Variants in TAF4B observed in about 807,000 individuals in gnomAD.
The protein encoded by TAF4B is transcription initiation factor TFIID subunit 4B.
Under a neutral mutation model 86.4 loss-of-function variants are expected in TAF4B, and 38 were observed. The ratio of observed to expected loss-of-function variants is 0.44; its 90% CI spans 0.34 to 0.58. The LOEUF is 0.58. Among genes scored for constraint, TAF4B ranks in the 20% least tolerant of loss-of-function variants. The pLI, the probability that TAF4B is intolerant of heterozygous loss-of-function variation, is 0.02. For missense variants in TAF4B, 988 were observed against 1,027.6 expected, an observed-to-expected ratio of 0.96 and a Z score of 0.53; for synonymous variants, 388 against 391.2, an observed-to-expected ratio of 0.99 and a Z score of 0.10.
intron 5 of TAF4B, among the ~76,000 whole-genome samples, chr18:26,276,460 T>C (rs1309486015): frequency 6.6e-6 from 1 of 152,226 alleles, no homozygotes; most frequent in African/African-American, 2.4e-5. Flanking sequence ...TAATTAGAAT[T>C]ATATTTTTCA....
intron 11 of TAF4B, among the ~76,000 whole-genome samples, chr18:26,325,236 A>G (rs931004618): frequency 1.3e-5 from 2 of 152,164 alleles, no homozygotes; most frequent in Non-Finnish European, 2.9e-5. Flanking sequence ...AGCTTCATTC[A>G]GTGTTTTCCA....
chr18:26,319,656 C>A (rs569767779), intron 10 of TAF4B, among the ~76,000 whole-genome samples: 69 of 151,880 alleles, frequency 4.5e-4, no homozygotes, highest in Non-Finnish European at 9.0e-4. Context: ...ATGGTGCGAT[C>A]TCAGCGCACT....
intron 9 of TAF4B, among the ~76,000 whole-genome samples, chr18:26,311,644 G>A (rs1387336015): frequency 6.6e-6 from 1 of 152,050 alleles, no homozygotes; most frequent in African/African-American, 2.4e-5. Context: ...AACAAGCATA[G>A]GAAGTTGAAG....
chr18:26,273,524 A>G (rs1370655759), intron 3 of TAF4B, among the ~76,000 whole-genome samples: 3 of 152,134 alleles, frequency 2.0e-5, no homozygotes, highest in African/African-American at 7.2e-5. Context: ...CTCTCCTTCT[A>G]TCAATTCTCA....
At chr18:26,297,370 G>C (rs2056676807) in intron 9 of TAF4B, among the ~76,000 whole-genome samples, 1 of 152,132 alleles carries the variant, frequency 6.6e-6, no homozygotes, top group South Asian at 2.1e-4. Flanking sequence ...GAAGGTGGTA[G>C]GCAAAATAGT....
At position 26,293,422 on chromosome 18, in the gene TAF4B, A is replaced by C; in HGVS notation, c.1727-4A>C. 1 of 1,583,242 alleles carries C rather than the reference A, an allele frequency of 6.3e-7. No homozygotes were observed. The highest frequency in any genetic ancestry group is 1.2e-5 in the South Asian group (1 of 85,204). On this transcript the variant is annotated splice_polypyrimidine_tract_variant and splice_region_variant and intron_variant, in intron 8 of 14. Coordinates refer to ENST00000269142, the MANE Select transcript of TAF4B (RefSeq NM_005640.3). ...TTCTATTTTTTCTTGTTTTGTTTTT[A>C]TAGCTTCCATTCTAAAGCAAATTAC...
rs370370212 is a variant in TAF4B at position 26,350,634 on chromosome 18, G to A, written c.2317-7056G>A. Among the ~76,000 whole-genome samples the A allele has an allele frequency of 9.2e-5, 14 of 152,232 alleles. No individual in the cohort carries two copies. The South Asian group carries it at 2.9e-3, about 32-fold the overall frequency. ...GAGGCTGCTGTGAGCCATGATCATGGTACTACATACTATCATGGGTAATAG... is the reference window on the plus strand; with the variant it reads ...GAGGCTGCTGTGAGCCATGATCATGATACTACATACTATCATGGGTAATAG... On this transcript the variant is annotated intron_variant, in intron 13 of 14. Transcript: ENST00000269142.
chr18:26,239,683 A>G (rs2055805486), intron 1 of TAF4B, among the ~76,000 whole-genome samples: 1 of 152,086 alleles, frequency 6.6e-6, no homozygotes, highest in Non-Finnish European at 1.5e-5. Context: ...CCTGAATGGT[A>G]TTGCCTAGGT....
chr18:26,387,242 A>T (rs1471178334), intron 14 of TAF4B, among the ~76,000 whole-genome samples: 2 of 151,756 alleles, frequency 1.3e-5, no homozygotes, highest in African/African-American at 4.8e-5. Flanking sequence ...ATTTTTATTT[A>T]TTTTTTGTTA....
At chr18:26,261,269 C>T (rs865812986) in intron 1 of TAF4B, among the ~76,000 whole-genome samples, 6 of 141,476 alleles carry the variant, frequency 4.2e-5, no homozygotes, top group South Asian at 4.5e-4. Context: ...GCCGGGATCT[C>T]GGCTCACTGC....
chr18:26,294,593 AT>A, intron 9 of TAF4B, among the ~76,000 whole-genome samples: 1 of 148,798 alleles, frequency 6.7e-6, no homozygotes, highest in Admixed American at 6.7e-5. Flanking sequence ...TCCCTTTTGC[AT>A]TTTTATATGT....
rs760515237 is a variant in TAF4B, at chr18:26,293,802, A to AC, written c.1832+274dup. Among the ~76,000 whole-genome samples, 81 of 152,128 alleles carry AC rather than the reference A, an allele frequency of 5.3e-4. 1 individual carries two copies. The highest frequency in any genetic ancestry group is 7.9e-4 in the Non-Finnish European group (54 of 68,006). On this transcript the variant is annotated intron_variant, in intron 9 of 14. Transcript: ENST00000269142. ...CCTTTATGCACCTTTGAAATCAATT[A>AC]CCCTTATCCCCTGCCTCTGGCAGCT... is the stretch of plus-strand genomic sequence containing the variant.
chr18:26,272,637 C>G (rs1369873181), intron 3 of TAF4B, among the ~76,000 whole-genome samples: 1 of 152,132 alleles, frequency 6.6e-6, no homozygotes, highest in Non-Finnish European at 1.5e-5. Flanking sequence ...CAAGGAACCT[C>G]TCCCATCAGT....
At chr18:26,295,275 A>G (rs900627448) in intron 9 of TAF4B, 17 of 334,258 alleles carry the variant, frequency 5.1e-5, no homozygotes, top group African/African-American at 3.5e-4. Context: ...TGGTTGGATG[A>G]AGTTCATCTG....
At chr18:26,296,144 C>CT (rs938598994) in intron 9 of TAF4B, among the ~76,000 whole-genome samples, 1 of 151,848 alleles carries the variant, frequency 6.6e-6, no homozygotes, top group African/African-American at 2.4e-5. Flanking sequence ...TTCAATGCCT[C>CT]TTTTATTAGA....
In TAF4B at chr18:26,305,707, C is replaced by T. The variant is rs541755663; in HGVS notation, c.1833-9522C>T. On this transcript the variant is annotated intron_variant, in intron 9 of 14. Coordinates refer to ENST00000269142, the MANE Select transcript of TAF4B (RefSeq NM_005640.3). ...TTTGATATTACTATTTTGGTGTTTTCGATTGTTATAACATCTTTATTTATT... is the reference window on the plus strand; with the variant it reads ...TTTGATATTACTATTTTGGTGTTTTTGATTGTTATAACATCTTTATTTATT... 5.9e-5 allele frequency among the ~76,000 whole-genome samples: 9 copies of T among 152,164 alleles called. No homozygotes were observed. The South Asian group carries it at 1.2e-3, about 21-fold the overall frequency.
intron 9 of TAF4B, among the ~76,000 whole-genome samples, chr18:26,305,235 A>G (rs2056782090): frequency 6.6e-6 from 1 of 152,108 alleles, no homozygotes; most frequent in Non-Finnish European, 1.5e-5. Context: ...TCTTGATTTT[A>G]TTTTTGTAAA....
At chr18:26,340,345 T>A (rs1287214653) in intron 13 of TAF4B, among the ~76,000 whole-genome samples, 1 of 152,216 alleles carries the variant, frequency 6.6e-6, no homozygotes, top group African/African-American at 2.4e-5. Context: ...CAATTTGTAT[T>A]TAAACTTCAT....
At chr18:26,299,682 A>G (rs539794753) in intron 9 of TAF4B, among the ~76,000 whole-genome samples, 2 of 152,310 alleles carry the variant, frequency 1.3e-5, no homozygotes, top group Admixed American at 6.5e-5. Context: ...GTTTTTTGAC[A>G]AAGTCAATTT....
Sources: allele counts gnomAD v4.1 joint callset (sites outside exome capture counted in the v4.1 genomes callset), GRCh38; gene constraint gnomAD v4.1.1; transcripts MANE v1.5; gene names NCBI Gene and HGNC (gene_info 2026-07-23, HGNC 2026-07-21).